ZNF536: variants seen among roughly 807,000 people sequenced by gnomAD.
The protein encoded by ZNF536 is zinc finger protein 536.
Under a neutral mutation model 84.5 loss-of-function variants are expected in ZNF536, and 13 were observed. That is an observed-to-expected ratio of 0.15 (90% confidence interval 0.10 to 0.24). ZNF536 has a LOEUF of 0.24. ZNF536 is among the 10% of genes least tolerant of loss of function. The pLI, the probability that ZNF536 is intolerant of heterozygous loss-of-function variation, is 1.00. For missense variants in ZNF536, 1,536 were observed against 1,747.5 expected (o/e 0.88, Z 2.16); for synonymous variants, 811 against 742.5 (o/e 1.09, Z -1.50).
rs2148165630 is a variant in ZNF536, at chr19:30,444,038, A to G, written c.476A>G (p.Lys159Arg). 6.2e-7 allele frequency: 1 copy of G among 1,613,642 alleles called. No homozygotes were observed. The highest frequency in any genetic ancestry group is 1.1e-5 in the South Asian group (1 of 91,086). ...MRTHTGEKPFKCPYCDHRAAQ... is the reference protein window; with the variant it reads ...MRTHTGEKPFRCPYCDHRAAQ... ...ACGCACACGGGCGAGAAGCCCTTCA[A>G]GTGCCCGTACTGCGACCACAGGGCG... The change falls in exon 2 of 5, where the codon AAG becomes AGG. Residue 159 changes from lysine (K) to arginine (R), a missense_variant. Physicochemically the swap from Lys to Arg is conservative, Grantham distance 26. This residue lies in a region of ZNF536 where 13 missense variants were observed against 76.5 expected (regional missense o/e 0.17). Coordinates refer to ENST00000355537, the MANE Select transcript of ZNF536 (RefSeq NM_014717.3).
At chr19:30,579,018 T>G (rs2046834610) in intron 1 of ZNF536, among the ~76,000 whole-genome samples, 1 of 152,222 alleles carries the variant, frequency 6.6e-6, no homozygotes, top group Non-Finnish European at 1.5e-5. Context: ...AATAATAGTA[T>G]CTACCTGACA....
chr19:30,305,344 A>G (rs2046311830), intron 2 of ZNF536, among the ~76,000 whole-genome samples: 1 of 152,198 alleles, frequency 6.6e-6, no homozygotes, highest in African/African-American at 2.4e-5. Flanking sequence ...TGACTGGCTC[A>G]GTTTCCCCAA....
At chr19:30,492,096 G>A (rs1457010079) in intron 2 of ZNF536, among the ~76,000 whole-genome samples, 1 of 151,900 alleles carries the variant, frequency 6.6e-6, no homozygotes, top group Non-Finnish European at 1.5e-5. Flanking sequence ...TTTTGGGTGA[G>A]GGTGGGGGTG....
At chr19:30,473,499 G>A (rs2053725016) in intron 2 of ZNF536, among the ~76,000 whole-genome samples, 1 of 152,058 alleles carries the variant, frequency 6.6e-6, no homozygotes, top group Admixed American at 6.6e-5. Flanking sequence ...TAAATCTTAG[G>A]CTTCTGTCCA....
At chr19:30,518,984 G>A (rs767679243) in intron 2 of ZNF536, among the ~76,000 whole-genome samples, 1 of 152,206 alleles carries the variant, frequency 6.6e-6, no homozygotes, top group South Asian at 2.1e-4. Flanking sequence ...CTGGTGGTGC[G>A]TGCAGAGCAT....
intron 1 of ZNF536, among the ~76,000 whole-genome samples, chr19:30,257,330 T>C (rs912660793): frequency 6.6e-6 from 1 of 152,226 alleles, no homozygotes; most frequent in African/African-American, 2.4e-5. Flanking sequence ...TCAGATAACA[T>C]TGGCTGTCAT....
chr19:30,427,289 A>G (rs1316496220), intron 1 of ZNF536, among the ~76,000 whole-genome samples: 1 of 152,212 alleles, frequency 6.6e-6, no homozygotes, highest in African/African-American at 2.4e-5. Flanking sequence ...CATGGGATGC[A>G]GAGATGCTTG....
intron 1 of ZNF536, among the ~76,000 whole-genome samples, chr19:30,609,889 C>A (rs1481019045): frequency 7.4e-6 from 1 of 135,946 alleles, no homozygotes; most frequent in African/African-American, 2.7e-5. Context: ...CATCCATCCA[C>A]CCATTTATCC....
Position 30,411,498 on chromosome 19 carries a change from T to G in ZNF536, c.-2-32063T>G, listed in dbSNP as rs543908591. Among the ~76,000 whole-genome samples the G allele has an allele frequency of 5.3e-5, 8 of 152,322 alleles. No individual in the cohort carries two copies. The South Asian group carries it at 1.7e-3, about 32-fold the overall frequency. ...TGATTTCAGTGATGACTTCTTAGTT[T>G]TAAAACTTTTTGTGTGAAGTAATGT... On this transcript the variant is annotated intron_variant, in intron 1 of 4. Coordinates refer to ENST00000355537, the MANE Select transcript of ZNF536 (RefSeq NM_014717.3).
At chr19:30,634,546 C>G (rs550396973) in intron 1 of ZNF536, among the ~76,000 whole-genome samples, 2 of 152,226 alleles carry the variant, frequency 1.3e-5, no homozygotes, top group East Asian at 1.9e-4. Flanking sequence ...TACCCCTGGT[C>G]GGAGCAGTCC....
chr19:30,505,274 A>G (rs2055123560), intron 2 of ZNF536, among the ~76,000 whole-genome samples: 1 of 147,712 alleles, frequency 6.8e-6, no homozygotes, highest in Admixed American at 6.8e-5. Context: ...TACATATTAT[A>G]TACTAATAAA....
chr19:30,302,561 T>C (rs55668759), intron 2 of ZNF536, among the ~76,000 whole-genome samples: 10,676 of 152,088 alleles, frequency 0.07, 894 homozygotes, highest in African/African-American at 0.17. Context: ...GGACAAGAAC[T>C]CAGTTCTAGA....
chr19:30,263,094 G>A (rs891024145), intron 1 of ZNF536, among the ~76,000 whole-genome samples: 4 of 152,158 alleles, frequency 2.6e-5, no homozygotes, highest in Admixed American at 1.3e-4. Flanking sequence ...AGTGAGCCCC[G>A]AGAAGGAGGT....
chr19:30,463,401 G>GCAGC (rs1006220558), intron 2 of ZNF536, among the ~76,000 whole-genome samples: 14 of 152,148 alleles, frequency 9.2e-5, no homozygotes, highest in Admixed American at 4.6e-4. Context: ...CTTCCAGTAT[G>GCAGC]CAGCTGTGGC....
At chr19:30,488,578 C>A (rs79235852) in intron 2 of ZNF536, among the ~76,000 whole-genome samples, 6 of 139,466 alleles carry the variant, frequency 4.3e-5, no homozygotes, top group African/African-American at 8.5e-5. Flanking sequence ...AAAAAAAAAA[C>A]AACCCTGAGA....
At chr19:30,577,533 A>T (rs2046782336) in intron 1 of ZNF536, among the ~76,000 whole-genome samples, 1 of 152,172 alleles carries the variant, frequency 6.6e-6, no homozygotes, top group Non-Finnish European at 1.5e-5. Context: ...TAAGTATTGC[A>T]GATTTAAAGC....
At position 30,445,776 on chromosome 19, in the gene ZNF536, C is replaced by T. The variant is rs776462796; in HGVS notation, c.2170+44C>T. The T allele has an allele frequency of 1.1e-5, 17 of 1,519,886 alleles. No homozygotes were observed. The East Asian group carries it at 3.6e-4, about 32-fold the overall frequency. 94.1% of individuals were successfully genotyped at this position (1,519,886 alleles called of 1,614,324 possible). A position where few individuals can be genotyped will look rare whatever the true frequency, so the allele number is the denominator to read the frequency against. ...GGGGAGAAGCAGCTTGTACAGCAGCCCTGCTCAGGGCTGCCTGGTTCTGCT... is the reference window on the plus strand; with the variant it reads ...GGGGAGAAGCAGCTTGTACAGCAGCTCTGCTCAGGGCTGCCTGGTTCTGCT... On this transcript the variant is annotated intron_variant, in intron 2 of 4. Transcript: ENST00000355537. The surrounding 1 kb of genome is among the most constrained non-coding windows in gnomAD (Gnocchi z 4.5).
At chr19:30,282,780 C>CA (rs932666659) in intron 1 of ZNF536, among the ~76,000 whole-genome samples, 76 of 149,466 alleles carry the variant, frequency 5.1e-4, no homozygotes, top group Middle Eastern at 3.4e-3. Context: ...GGGAAAAAAA[C>CA]AAAAAAAAAT....
chr19:30,618,161 A>G (rs2048367561), intron 1 of ZNF536, among the ~76,000 whole-genome samples: 1 of 151,948 alleles, frequency 6.6e-6, no homozygotes, highest in Admixed American at 6.6e-5. Flanking sequence ...GTTTTGCTTC[A>G]TATTGTTCTT....
Sources: allele counts gnomAD v4.1 joint callset (sites outside exome capture counted in the v4.1 genomes callset), GRCh38; gene constraint gnomAD v4.1.1; regional missense constraint gnomAD v4.1.1; non-coding constraint Gnocchi (gnomAD v3.1); transcripts MANE v1.5; gene names NCBI Gene and HGNC (gene_info 2026-07-23, HGNC 2026-07-21).